Variants in LDB3 observed in about 807,000 individuals in gnomAD.
The protein encoded by LDB3 is LIM domain binding 3, also known as LIM domain-binding protein 3.
In LDB3, 49 loss-of-function variants were observed where a neutral mutation model predicts 69.0. The ratio of observed to expected loss-of-function variants is 0.71; its 90% CI spans 0.56 to 0.90. The LOEUF (loss-of-function observed/expected upper bound fraction) is 0.90, where lower values mean the gene tolerates loss of function less well. Among genes scored for constraint, LDB3 ranks in the 40% least tolerant of loss-of-function variants. The pLI, the probability that LDB3 is intolerant of heterozygous loss-of-function variation, is 0.00. For missense variants in LDB3, 928 were observed against 974.1 expected (o/e 0.95, Z 0.63); for synonymous variants, 387 against 396.2 (o/e 0.98, Z 0.28).
rs1428444463 is a variant in LDB3, at chr10:86,694,955, C to G, written c.896+2384C>G. The stretch of plus-strand genomic sequence containing the variant: ...TTGTTGGCTGAGAGCAGCCACCTAC[C>G]TTCTCTTTCTCCTCCCAAATCCCAG... On this transcript the variant is annotated intron_variant, in intron 7 of 13. Transcript: ENST00000361373. 4.6e-5 allele frequency among the ~76,000 whole-genome samples: 7 copies of G among 152,328 alleles called. No individual in the cohort carries two copies. The East Asian group carries it at 1.4e-3, about 29-fold the overall frequency.
Position 86,733,146 on chromosome 10 carries a change from T to C in LDB3, c.*170T>C. ...TTCTTCTGTACACAGATCGTGCATT[T>C]GCATAGTTCAGACTAGGAGCCAAAT... On this transcript the variant is annotated 3_prime_UTR_variant, in exon 14 of 14. Coordinates refer to ENST00000361373, the MANE Select transcript of LDB3 (RefSeq NM_007078.3). The C allele has an allele frequency of 1.6e-6, 1 of 620,072 alleles. No individual in the cohort carries two copies. Among genetic ancestry groups the C allele is most frequent in the Non-Finnish European group, 2.9e-6 (1 of 346,088 alleles). The allele number at this position is 620,072 out of a possible 1,614,324, so 38.4% of individuals were successfully genotyped here.
chr10:86,668,385 T>C (rs939586381), upstream of LDB3: 1 of 465,696 alleles, frequency 2.1e-6, no homozygotes, highest in Admixed American at 3.2e-5. Flanking sequence ...AGGGGCTATA[T>C]TAGCCGTGTG....
chr10:86,671,388 G>A (rs12248422), intron 2 of LDB3, among the ~76,000 whole-genome samples: 11,890 of 152,172 alleles, frequency 0.078, 675 homozygotes, highest in African/African-American at 0.16. Context: ...GGTGGCTCCC[G>A]GGGGCTCATG....
At chr10:86,677,394 G>A (rs1282168743) in intron 2 of LDB3, among the ~76,000 whole-genome samples, 1 of 152,204 alleles carries the variant, frequency 6.6e-6, no homozygotes. Flanking sequence ...CTTTTTAGGT[G>A]ACATTATTAG....
At chr10:86,681,082 G>A (rs1264088988) in intron 4 of LDB3, among the ~76,000 whole-genome samples, 1 of 152,256 alleles carries the variant, frequency 6.6e-6, no homozygotes, top group East Asian at 1.9e-4. Context: ...AGGCTGGGCT[G>A]TGCCCACTGG....
intron 5 of LDB3, among the ~76,000 whole-genome samples, chr10:86,686,202 G>A (rs545446513): frequency 6.6e-6 from 1 of 152,314 alleles, no homozygotes; most frequent in Non-Finnish European, 1.5e-5. Flanking sequence ...CTGCTCTGAG[G>A]AAGAAGCACA....
rs568175034 is a variant in LDB3, at chr10:86,717,735, T to A, written c.1677-229T>A. The stretch of plus-strand genomic sequence containing the variant: ...TGAATTCTATAATATGTTTACCCAG[T>A]CCCCTATTGGTAGATGTTTGAGTTG... On this transcript the variant is annotated intron_variant, in intron 10 of 13. Transcript: ENST00000361373. Among the ~76,000 whole-genome samples the A allele has an allele frequency of 7.9e-5, 12 of 152,362 alleles. No homozygotes were observed. The South Asian group carries it at 2.5e-3, about 32-fold the overall frequency.
At chr10:86,722,559 C>CAATTCAAGCCACTTTAATAGCTTAA (rs1847116082) in intron 12 of LDB3, among the ~76,000 whole-genome samples, 3 of 55,220 alleles carry the variant, frequency 5.4e-5, no homozygotes, top group Non-Finnish European at 9.9e-5. Context: ...CGTGCCTGGC[C>CAATTCAAGCCACTTTAATAGCTTAA]TTTTTTTTTT....
intron 12 of LDB3, among the ~76,000 whole-genome samples, 171 bp from the exon 13 acceptor site, chr10:86,725,966 T>TTGGAAAA (rs1589684796): frequency 3.9e-5 from 6 of 152,112 alleles, no homozygotes; most frequent in Admixed American, 3.3e-4. Flanking sequence ...AATGCAATGA[T>TTGGAAAA]TGGAAAATGG....
At chr10:86,668,162 T>C (rs1247844893), upstream of LDB3, among the ~76,000 whole-genome samples, 2 of 152,120 alleles carry the variant, frequency 1.3e-5, no homozygotes, top group Non-Finnish European at 2.9e-5. Flanking sequence ...AACCCCAGAA[T>C]CCTGGCCAGG....
chr10:86,707,138 C>G lies in LDB3; in HGVS notation c.1085+419C>G, dbSNP rs145823139. 3.2e-3 allele frequency among the ~76,000 whole-genome samples: 486 copies of G among 152,190 alleles called. 4 individuals carry two copies. Among genetic ancestry groups the G allele is most frequent in the East Asian group, 0.021 (106 of 5,148 alleles). ...ATAGAATGAAAGTTGTCCCTGTGGG[C>G]TGGAGAAATCAAGGAAGGCTCCATG... On this transcript the variant is annotated intron_variant, in intron 8 of 13. Coordinates refer to ENST00000361373, the MANE Select transcript of LDB3 (RefSeq NM_007078.3).
At chr10:86,679,718 C>T (rs1311267507) in intron 3 of LDB3, among the ~76,000 whole-genome samples, 200 bp downstream of exon 3, 2 of 152,254 alleles carry the variant, frequency 1.3e-5, no homozygotes, top group African/African-American at 4.8e-5. Flanking sequence ...GACATTACTG[C>T]CTCACTTTAC....
At position 86,733,471 on chromosome 10, in the gene LDB3, A is replaced by G. The variant is rs1847543025; in HGVS notation, c.*495A>G. 2 of 170,018 alleles carry G rather than the reference A, an allele frequency of 1.2e-5. No individual in the cohort carries two copies. Among genetic ancestry groups the G allele is most frequent in the Admixed American group, 1.1e-4 (2 of 17,740 alleles). The allele number at this position is 170,018 out of a possible 1,614,324, so 10.5% of individuals were successfully genotyped here. ...AGCTAAGACCCATTGGGCTTTCCTCACCAAAAAAGGAAGTGTTATTCCATT... is the reference window on the plus strand; with the variant it reads ...AGCTAAGACCCATTGGGCTTTCCTCGCCAAAAAAGGAAGTGTTATTCCATT... On this transcript the variant is annotated 3_prime_UTR_variant, in exon 14 of 14. Transcript: ENST00000361373.
At chr10:86,702,591 T>C (rs1286299450) in intron 7 of LDB3, among the ~76,000 whole-genome samples, 3 of 152,222 alleles carry the variant, frequency 2.0e-5, no homozygotes, top group East Asian at 3.8e-4. Flanking sequence ...TTTGCTTAGA[T>C]GTTTAAACTG....
In LDB3 at chr10:86,718,788, A is replaced by G. The variant is rs758596846; in HGVS notation, c.1919A>G (p.Lys640Arg). ...ACCTGCTTCGTCTGTGCGGCCTGCA[A>G]GAAGCCTTTTGGGAACAGCCTCTTC... Reference protein sequence around the residue: ...HTTCFVCAACKKPFGNSLFHM... With the variant: ...HTTCFVCAACRKPFGNSLFHM... The change falls in exon 12 of 14, where the codon AAG (lysine) becomes AGG (arginine). Residue 640 changes from lysine to arginine, a missense_variant. Coordinates refer to ENST00000361373, the MANE Select transcript of LDB3 (RefSeq NM_007078.3). 5 of 1,614,192 alleles carry G rather than the reference A, an allele frequency of 3.1e-6. No individual in the cohort carries two copies. Among genetic ancestry groups the G allele is most frequent in the South Asian group, 1.1e-5 (1 of 91,074 alleles).
At chr10:86,690,030 G>A (rs375715897) in intron 5 of LDB3, among the ~76,000 whole-genome samples, 9 of 152,280 alleles carry the variant, frequency 5.9e-5, no homozygotes, top group African/African-American at 1.7e-4. Flanking sequence ...GTCTTTGCAC[G>A]GGGTTGTGGG....
rs370719150 is a variant in LDB3 at position 86,668,568 on chromosome 10, C to T, written c.-26C>T. The T allele has an allele frequency of 1.9e-5, 15 of 804,426 alleles. No homozygotes were observed. Among genetic ancestry groups the T allele is most frequent in the African/African-American group, 6.7e-5 (4 of 59,690 alleles). The allele number at this position is 804,426 out of a possible 1,614,324, so 49.8% of individuals were successfully genotyped here. ...CCCGGCTGGGCAGCAAGGGACAGAACAGGCAAGGCTGGGGGTCAGGGGCAG... is the reference window on the plus strand; with the variant it reads ...CCCGGCTGGGCAGCAAGGGACAGAATAGGCAAGGCTGGGGGTCAGGGGCAG... On this transcript the variant is annotated splice_region_variant and 5_prime_UTR_variant, in exon 1 of 14. Coordinates refer to ENST00000361373, the MANE Select transcript of LDB3 (RefSeq NM_007078.3).
intron 12 of LDB3, among the ~76,000 whole-genome samples, chr10:86,719,551 G>A (rs1367706529): frequency 6.6e-6 from 1 of 152,162 alleles, no homozygotes; most frequent in Non-Finnish European, 1.5e-5. Flanking sequence ...GGGCTGCTTT[G>A]TAAACCTGAG....
chr10:86,692,154 G>A lies in LDB3; in HGVS notation c.859+89G>A. 2.7e-6 allele frequency: 4 copies of A among 1,459,676 alleles called. No individual in the cohort carries two copies. The South Asian group carries it at 4.9e-5, about 18-fold the overall frequency. The allele number at this position is 1,459,676 out of a possible 1,614,324, so 90.4% of individuals were successfully genotyped here. On this transcript the variant is annotated intron_variant, in intron 6 of 13. Coordinates refer to ENST00000361373, the MANE Select transcript of LDB3 (RefSeq NM_007078.3). The stretch of plus-strand genomic sequence containing the variant: ...GGCCCAGCACTGCAGAAGCCAGGGA[G>A]TCCTGCTACCTGCCCTTGAAGGTGG...
Sources: gnomAD v4.1 joint callset for allele counts (sites outside exome capture counted in the v4.1 genomes callset) on GRCh38, gnomAD v4.1.1 for gene constraint, MANE v1.5 for transcripts, NCBI Gene and HGNC (gene_info 2026-07-23, HGNC 2026-07-21) for gene names.